NFIA: variants seen among roughly 807,000 people sequenced by gnomAD.
The protein encoded by NFIA is nuclear factor I A, also known as nuclear factor 1 A-type.
In NFIA, 8 loss-of-function variants were observed where a neutral mutation model predicts 62.8. That is an observed-to-expected ratio of 0.13 (90% CI 0.07 to 0.23). NFIA has a LOEUF of 0.23. Among genes scored for constraint, NFIA ranks in the 10% least tolerant of loss-of-function variants. NFIA has a pLI of 1.00. For synonymous variants in NFIA, 235 were observed against 238.1 expected, an observed-to-expected ratio of 0.99 and a Z score of 0.12; for missense variants, 410 against 642.1, an observed-to-expected ratio of 0.64 and a Z score of 3.91.
chr1:61,174,537 T>A (rs1399049152), intron 2 of NFIA, among the ~76,000 whole-genome samples: 1 of 152,168 alleles, frequency 6.6e-6, no homozygotes, highest in African/African-American at 2.4e-5. Flanking sequence ...TCATCTGGCA[T>A]TGGAGTGGGG....
At chr1:61,317,620 T>C (rs750967181) in intron 3 of NFIA, among the ~76,000 whole-genome samples, 18 of 152,118 alleles carry the variant, frequency 1.2e-4, no homozygotes, top group Non-Finnish European at 2.4e-4. Context: ...TAGAAAATAA[T>C]TTTTTTACTC....
chr1:61,207,060 C>T (rs554293707), intron 2 of NFIA, among the ~76,000 whole-genome samples: 4 of 152,142 alleles, frequency 2.6e-5, no homozygotes, highest in Non-Finnish European at 5.9e-5. Flanking sequence ...AGAAGGCCAA[C>T]AGTGGACTTG....
At chr1:61,174,675 G>A (rs1282975911) in intron 2 of NFIA, among the ~76,000 whole-genome samples, 2 of 152,216 alleles carry the variant, frequency 1.3e-5, no homozygotes, top group Non-Finnish European at 2.9e-5. Context: ...GATTCCACAA[G>A]ATGATGTGGA....
At chr1:61,420,669 C>T (rs895022775) in intron 9 of NFIA, among the ~76,000 whole-genome samples, 1 of 152,096 alleles carries the variant, frequency 6.6e-6, no homozygotes, top group Admixed American at 6.5e-5. Flanking sequence ...ATTGAATTTT[C>T]GACTAGCTTT....
chr1:61,443,166 A>G (rs577037760), intron 10 of NFIA, among the ~76,000 whole-genome samples: 7 of 152,186 alleles, frequency 4.6e-5, no homozygotes, highest in Non-Finnish European at 7.3e-5. Context: ...TCAATATTGC[A>G]CTAGGTTAAG....
chr1:61,287,277 A>T (rs1286359361), intron 3 of NFIA, among the ~76,000 whole-genome samples: 1 of 152,210 alleles, frequency 6.6e-6, no homozygotes, highest in Non-Finnish European at 1.5e-5. Context: ...CTGATTTGTC[A>T]TGGCAGTATC....
chr1:61,171,634 C>T (rs1031720562), intron 2 of NFIA, among the ~76,000 whole-genome samples: 1 of 152,076 alleles, frequency 6.6e-6, no homozygotes, highest in African/African-American at 2.4e-5. Context: ...GAGAAAATGG[C>T]CTGCTGATCT....
At chr1:61,398,973 T>G (rs151037805) in intron 7 of NFIA, among the ~76,000 whole-genome samples, 112 of 152,304 alleles carry the variant, frequency 7.4e-4, no homozygotes, top group African/African-American at 2.6e-3. Context: ...ATGGAAAGCT[T>G]CTTTTGTTTT....
chr1:61,317,498 T>G (rs1660428432), intron 3 of NFIA, among the ~76,000 whole-genome samples: 1 of 152,078 alleles, frequency 6.6e-6, no homozygotes, highest in African/African-American at 2.4e-5. Flanking sequence ...ATTTAGGAAT[T>G]AGATTTCTAA....
intron 5 of NFIA, among the ~76,000 whole-genome samples, chr1:61,354,954 T>G (rs1662751420): frequency 6.6e-6 from 1 of 152,108 alleles, no homozygotes; most frequent in Admixed American, 6.6e-5. Flanking sequence ...GGCTTTACAA[T>G]CTAGTGGTAG....
intron 2 of NFIA, among the ~76,000 whole-genome samples, chr1:61,271,720 G>A (rs530642475): frequency 1.4e-4 from 22 of 152,272 alleles, no homozygotes; most frequent in African/African-American, 5.3e-4. Context: ...CCTGCACCCC[G>A]CCACAGCTCC....
At chr1:61,385,937 ACCGTGT>A (rs1664660943) in intron 7 of NFIA, 1 of 152,184 alleles carries the variant, frequency 6.6e-6, no homozygotes, top group African/African-American at 2.4e-5. Context: ...ACCCGTTCTT[ACCGTGT>A]CCCACCCCGC....
intron 4 of NFIA, among the ~76,000 whole-genome samples, chr1:61,340,115 T>G (rs1236171296): frequency 6.6e-6 from 1 of 152,028 alleles, no homozygotes; most frequent in African/African-American, 2.4e-5. Flanking sequence ...TTGGGGCCGT[T>G]TTGATCTCTG....
chr1:61,257,871 TTTTTTC>T (rs1656519686), intron 2 of NFIA, among the ~76,000 whole-genome samples: 3 of 122,170 alleles, frequency 2.5e-5, no homozygotes, highest in African/African-American at 9.0e-5. Flanking sequence ...GTTTTTTTTT[TTTTTTC>T]TTTTTTTCTT....
intron 9 of NFIA, among the ~76,000 whole-genome samples, chr1:61,408,007 G>T (rs1459058729): frequency 6.6e-6 from 1 of 152,140 alleles, no homozygotes; most frequent in Non-Finnish European, 1.5e-5. Flanking sequence ...CATGTTCATA[G>T]AATTTGATTC....
At chr1:61,345,757 G>A (rs898589152) in intron 4 of NFIA, among the ~76,000 whole-genome samples, 8 of 152,108 alleles carry the variant, frequency 5.3e-5, no homozygotes, top group African/African-American at 1.4e-4. Flanking sequence ...GTTTCACTCC[G>A]AAATCACCCC....
chr1:61,118,492 C>T (rs775676501), intron 2 of NFIA, among the ~76,000 whole-genome samples: 8 of 151,926 alleles, frequency 5.3e-5, no homozygotes, highest in Non-Finnish European at 1.2e-4. Flanking sequence ...TATGTGGGTA[C>T]ATAAACAAAA....
chr1:61,313,078 T>C (rs1485373850), intron 3 of NFIA, among the ~76,000 whole-genome samples: 4 of 152,160 alleles, frequency 2.6e-5, no homozygotes, highest in Non-Finnish European at 5.9e-5. Context: ...AGGGCAAGGA[T>C]AGAGCCCAGA....
At chr1:61,170,722 C>T (rs1649905737) in intron 2 of NFIA, among the ~76,000 whole-genome samples, 1 of 152,102 alleles carries the variant, frequency 6.6e-6, no homozygotes, top group Non-Finnish European at 1.5e-5. Flanking sequence ...ATTTCTTTAC[C>T]TTGGAACTTT....
Sources: gnomAD v4.1 joint callset for allele counts (sites outside exome capture counted in the v4.1 genomes callset) on GRCh38, gnomAD v4.1.1 for gene constraint, MANE v1.5 for transcripts, NCBI Gene and HGNC (gene_info 2026-07-23, HGNC 2026-07-21) for gene names.